The following ATG4A variants were observed in gnomAD, a reference collection of about 807,000 sequenced individuals.
ATG4A encodes cysteine protease ATG4A.
A neutral mutation model predicts 38.4 loss-of-function variants in ATG4A; 22 were observed. The ratio of observed to expected loss-of-function variants is 0.57; its 90% CI spans 0.41 to 0.82. The LOEUF (loss-of-function observed/expected upper bound fraction) is 0.82, where lower values mean the gene tolerates loss of function less well. ATG4A is among the 40% of genes least tolerant of loss of function. The probability of loss-of-function intolerance (pLI) is 0.00; values close to 1 mark genes in which losing one functional copy is unlikely to be tolerated. For missense variants in ATG4A, 220 were observed against 290.0 expected, an observed-to-expected ratio of 0.76 and a Z score of 1.75; for synonymous variants, 86 against 100.7, an observed-to-expected ratio of 0.85 and a Z score of 0.88.
At chrX:108,122,657 C>G (rs2032685877) in intron 1 of ATG4A, among the ~76,000 whole-genome samples, 1 of 111,602 alleles carries the variant, frequency 9.0e-6, no homozygotes, top group African/African-American at 3.3e-5. Context: ...CCAGAAGACC[C>G]CCCACTTGTA....
chrX:108,132,877 T>C lies in ATG4A; in HGVS notation c.293-1180T>C, dbSNP rs945707594. Among the ~76,000 whole-genome samples, 21 of 110,282 alleles carry C rather than the reference T, an allele frequency of 1.9e-4. 1 individual carries two copies. The highest frequency in any genetic ancestry group is 6.6e-4 in the African/African-American group (20 of 30,296). On this transcript the variant is annotated intron_variant, in intron 4 of 12. Coordinates refer to ENST00000372232, the MANE Select transcript of ATG4A (RefSeq NM_052936.5). ...TCAAGTAGCAGGAAGAAGTTGGAAATAGATCTTGTAGCTAAGATGAGTTAA... is the reference window on the plus strand; with the variant it reads ...TCAAGTAGCAGGAAGAAGTTGGAAACAGATCTTGTAGCTAAGATGAGTTAA...
chrX:108,100,790 A>G (rs944269403), intron 1 of ATG4A, among the ~76,000 whole-genome samples: 4 of 111,338 alleles, frequency 3.6e-5, no homozygotes, highest in African/African-American at 1.3e-4. Context: ...TTTATATGTT[A>G]TATTTGCTCA....
At chrX:108,114,467 G>A (rs896872519) in intron 1 of ATG4A, among the ~76,000 whole-genome samples, 7 of 111,915 alleles carry the variant, frequency 6.3e-5, no homozygotes, top group Admixed American at 5.7e-4. Flanking sequence ...CTGGTATTCC[G>A]TGGCATTCTA....
intron 2 of ATG4A, 28 bp from the exon 3 acceptor site, chrX:108,128,753 T>A (rs1200367635): frequency 9.5e-7 from 1 of 1,056,924 alleles, no homozygotes; most frequent in Admixed American, 2.8e-5. Context: ...ATATGGTGAT[T>A]TAATTTTAAT....
At chrX:108,130,063 G>C (rs2032915341) in intron 3 of ATG4A, among the ~76,000 whole-genome samples, 1 of 109,903 alleles carries the variant, frequency 9.1e-6, no homozygotes, top group Non-Finnish European at 1.9e-5. Flanking sequence ...CTTTATGTGG[G>C]CCTCATTGCA....
chrX:108,150,130 A>G, intron 9 of ATG4A, 22 bp from the exon 10 acceptor site: 1 of 1,209,057 alleles, frequency 8.3e-7, no homozygotes, highest in Non-Finnish European at 1.1e-6. Context: ...TTTGAAGGTT[A>G]AGCATATCTC....
chrX:108,103,196 A>G (rs1272111276), intron 1 of ATG4A, among the ~76,000 whole-genome samples: 1 of 112,128 alleles, frequency 8.9e-6, no homozygotes, highest in Non-Finnish European at 1.9e-5. Flanking sequence ...ACAGTATTGC[A>G]TGGTGCAGAT....
chrX:108,123,670 A>G lies in ATG4A; in HGVS notation c.11-2407A>G, dbSNP rs146428313. 3.6e-5 allele frequency among the ~76,000 whole-genome samples: 4 copies of G among 112,250 alleles called. No individual in the cohort carries two copies. The East Asian group carries it at 1.1e-3, about 31-fold the overall frequency. Reference sequence around the variant, plus strand: ...AAGAGAAGAATCAAGAAGAATAGAGACTGTAATGACCTTCTTGCTGGCCTA... The same window carrying G: ...AAGAGAAGAATCAAGAAGAATAGAGGCTGTAATGACCTTCTTGCTGGCCTA... On this transcript the variant is annotated intron_variant, in intron 1 of 12. Coordinates refer to ENST00000372232, the MANE Select transcript of ATG4A (RefSeq NM_052936.5).
At chrX:108,118,935 G>T (rs1602635835) in intron 1 of ATG4A, among the ~76,000 whole-genome samples, 1 of 112,009 alleles carries the variant, frequency 8.9e-6, no homozygotes, top group African/African-American at 3.2e-5. Flanking sequence ...ATGATATTAT[G>T]ATGCCTTCAC....
chrX:108,093,395 C>T (rs1408719071), intron 1 of ATG4A, among the ~76,000 whole-genome samples: 1 of 112,096 alleles, frequency 8.9e-6, no homozygotes. Flanking sequence ...TGTATCAGTA[C>T]TTCCTTACTT....
intron 4 of ATG4A, 64 bp from the exon 5 acceptor site, chrX:108,133,992 TA>T: frequency 1.1e-6 from 1 of 895,360 alleles, no homozygotes; most frequent in Non-Finnish European, 1.5e-6. Flanking sequence ...GTAGTTACAA[TA>T]AAAGTGCAGA....
At chrX:108,106,394 A>G (rs1006087453) in intron 1 of ATG4A, among the ~76,000 whole-genome samples, 8 of 112,308 alleles carry the variant, frequency 7.1e-5, no homozygotes, top group Non-Finnish European at 1.3e-4. Flanking sequence ...ACATCAGACA[A>G]TGTTATGACT....
At chrX:108,094,432 T>C (rs1023410285) in intron 1 of ATG4A, among the ~76,000 whole-genome samples, 15 of 111,216 alleles carry the variant, frequency 1.3e-4, no homozygotes, top group Non-Finnish European at 1.9e-4. Context: ...CAAGTTTCAC[T>C]AGTTTATCTC....
rs150272561 is a variant in ATG4A at position 108,116,954 on chromosome X, C to T, written c.11-9123C>T. Among the ~76,000 whole-genome samples, 889 of 111,891 alleles carry T rather than the reference C, an allele frequency of 7.9e-3. 30 individuals carry two copies. Among genetic ancestry groups the T allele is most frequent in the Admixed American group, 0.078 (821 of 10,487 alleles). ...TATGCCTCGGATTGACTTAGATGTC[C>T]CTCTTCTATTCTTCCTTAGCCTCCT... is the stretch of plus-strand genomic sequence containing the variant. On this transcript the variant is annotated intron_variant, in intron 1 of 12. Coordinates refer to ENST00000372232, the MANE Select transcript of ATG4A (RefSeq NM_052936.5).
chrX:108,093,860 A>G (rs2031718805), intron 1 of ATG4A, among the ~76,000 whole-genome samples: 1 of 111,927 alleles, frequency 8.9e-6, no homozygotes, highest in East Asian at 2.8e-4. Flanking sequence ...CCATTCATAT[A>G]TCTTCTTCAG....
intron 9 of ATG4A, among the ~76,000 whole-genome samples, chrX:108,144,847 C>T (rs1043264011): frequency 2.7e-5 from 3 of 112,149 alleles, no homozygotes; most frequent in Admixed American, 9.4e-5. Flanking sequence ...AGTATATAAT[C>T]GCACATATGG....
chrX:108,106,917 G>A (rs2032191466), intron 1 of ATG4A, among the ~76,000 whole-genome samples: 1 of 111,216 alleles, frequency 9.0e-6, no homozygotes, highest in South Asian at 3.8e-4. Context: ...TGAATCTGTA[G>A]GCTTACGTCT....
At chrX:108,140,999 CATAT>C (rs777481460) in intron 9 of ATG4A, among the ~76,000 whole-genome samples, 1 of 77,353 alleles carries the variant, frequency 1.3e-5, no homozygotes, top group African/African-American at 5.0e-5. Flanking sequence ...TATATATATA[CATAT>C]ATATACGTAT....
At chrX:108,096,605 C>G (rs1308851118) in intron 1 of ATG4A, among the ~76,000 whole-genome samples, 1 of 111,998 alleles carries the variant, frequency 8.9e-6, no homozygotes, top group Non-Finnish European at 1.9e-5. Flanking sequence ...GCCTTTCCTA[C>G]TGAGTGACTT....
Sources: gnomAD v4.1 joint callset for allele counts (sites outside exome capture counted in the v4.1 genomes callset) on GRCh38, gnomAD v4.1.1 for gene constraint, MANE v1.5 for transcripts, NCBI Gene and HGNC (gene_info 2026-07-23, HGNC 2026-07-21) for gene names.